The following NXPE2 variants were observed in gnomAD, a reference collection of about 807,000 sequenced individuals.
NXPE2 encodes neurexophilin and PC-esterase domain family member 2, also known as NXPE family member 2.
NXPE2 carries 34 observed loss-of-function variants against 34.4 expected under a neutral mutation model. The observed-to-expected ratio is 0.99, with a 90% confidence interval of 0.75 to 1.31. The LOEUF is 1.31. NXPE2 is among the 40% of genes most tolerant of loss of function. The probability of loss-of-function intolerance (pLI) is 0.00; values close to 1 mark genes in which losing one functional copy is unlikely to be tolerated. For synonymous variants in NXPE2, 235 were observed against 231.3 expected (o/e 1.02, Z -0.15); for missense variants, 649 against 672.5 (o/e 0.97, Z 0.39).
At chr11:114,601,757 A>G in the NXPE2 span, among the ~76,000 whole-genome samples, 1 of 72,552 alleles carries the variant, frequency 1.4e-5, no homozygotes, top group Non-Finnish European at 2.4e-5. Flanking sequence ...TATATAATAT[A>G]TATGTGATTA....
At chr11:114,489,542 G>T in the NXPE2 span, among the ~76,000 whole-genome samples, 4 of 152,138 alleles carry the variant, frequency 2.6e-5, no homozygotes, top group Admixed American at 6.5e-5. Context: ...GGGATGCAAG[G>T]CTGGTTCAAC....
Position 114,704,068 on chromosome 11 carries a change from T to G in NXPE2, c.928+16T>G. On this transcript the variant is annotated intron_variant, in intron 4 of 5. Coordinates refer to ENST00000389586, the MANE Select transcript of NXPE2 (RefSeq NM_182495.6). ...CCATGCAACAGTAAGTCTGGAGTGT[T>G]GTTGTCTGCCATGATCACAATTTAT... 6.5e-7 allele frequency: 1 copy of G among 1,535,618 alleles called. No homozygotes were observed. The highest frequency in any genetic ancestry group is 2.4e-5 in the East Asian group (1 of 40,956).
At chr11:114,713,149 T>C in the NXPE2 span, among the ~76,000 whole-genome samples, 2 of 152,134 alleles carry the variant, frequency 1.3e-5, no homozygotes, top group African/African-American at 2.4e-5. Flanking sequence ...TATTTAGTGG[T>C]ATAGAGTTTT....
At chr11:114,533,067 A>G in the NXPE2 span, among the ~76,000 whole-genome samples, 2 of 152,222 alleles carry the variant, frequency 1.3e-5, no homozygotes, top group Non-Finnish European at 2.9e-5. Context: ...GTTCAACATA[A>G]CGTTAGAAGT....
the NXPE2 span, among the ~76,000 whole-genome samples, chr11:114,793,246 A>G: frequency 2.6e-5 from 4 of 152,220 alleles, no homozygotes; most frequent in African/African-American, 9.6e-5. Flanking sequence ...ATTTTCCTTC[A>G]GTTGTGGTAC....
chr11:114,678,846 G>A (rs559098184), intron 1 of NXPE2, among the ~76,000 whole-genome samples: 25 of 151,390 alleles, frequency 1.7e-4, no homozygotes, highest in South Asian at 1.1e-3. Flanking sequence ...GTTTTGGGGC[G>A]TGTATGTGTG....
At chr11:114,651,989 C>T in the NXPE2 span, among the ~76,000 whole-genome samples, 1 of 152,164 alleles carries the variant, frequency 6.6e-6, no homozygotes. Flanking sequence ...TTGCTGCATC[C>T]CAGGTTGAAG....
At chr11:114,761,819 C>T in the NXPE2 span, among the ~76,000 whole-genome samples, 1 of 152,058 alleles carries the variant, frequency 6.6e-6, no homozygotes, top group South Asian at 2.1e-4. Context: ...CATGATCCAC[C>T]CGCCTCGGCC....
the NXPE2 span, among the ~76,000 whole-genome samples, chr11:114,469,529 G>A: frequency 2.0e-5 from 3 of 151,406 alleles, no homozygotes; most frequent in African/African-American, 7.3e-5. Flanking sequence ...TCGCACTCTC[G>A]CCTGGGCTAG....
the NXPE2 span, among the ~76,000 whole-genome samples, chr11:114,542,628 G>A: frequency 6.6e-6 from 1 of 152,102 alleles, no homozygotes; most frequent in African/African-American, 2.4e-5. Flanking sequence ...GTTATTAACT[G>A]AAGTAAAAGG....
the NXPE2 span, among the ~76,000 whole-genome samples, chr11:114,628,794 AAG>A: frequency 1.3e-5 from 2 of 152,012 alleles, no homozygotes; most frequent in Admixed American, 6.6e-5. Context: ...TAATGAAAAA[AAG>A]AGAGAAGAAT....
the NXPE2 span, among the ~76,000 whole-genome samples, chr11:114,548,151 T>C: frequency 6.6e-6 from 1 of 152,070 alleles, no homozygotes; most frequent in South Asian, 2.1e-4. Flanking sequence ...CAATGAATAT[T>C]TATGCACCGA....
downstream of NXPE2, among the ~76,000 whole-genome samples, chr11:114,709,838 G>T (rs1336069174): frequency 6.6e-6 from 1 of 151,750 alleles, no homozygotes; most frequent in East Asian, 1.9e-4. Flanking sequence ...GGAGGCGGAG[G>T]TTGCAGTGAG....
chr11:114,755,112 C>T, the NXPE2 span, among the ~76,000 whole-genome samples: 3 of 152,126 alleles, frequency 2.0e-5, no homozygotes, highest in South Asian at 6.2e-4. Flanking sequence ...CAATTGGTAA[C>T]TCTATCATAG....
At chr11:114,670,937 A>G in the NXPE2 span, among the ~76,000 whole-genome samples, 1 of 151,658 alleles carries the variant, frequency 6.6e-6, no homozygotes, top group Admixed American at 6.6e-5. Flanking sequence ...AAGATAGCCA[A>G]TATAAATATG....
At chr11:114,562,508 A>G in the NXPE2 span, among the ~76,000 whole-genome samples, 63 of 152,326 alleles carry the variant, frequency 4.1e-4, no homozygotes, top group South Asian at 0.011. Flanking sequence ...ATTATTTTAC[A>G]TATTTCTCAT....
the NXPE2 span, among the ~76,000 whole-genome samples, chr11:114,745,418 G>A: frequency 6.6e-6 from 1 of 152,170 alleles, no homozygotes; most frequent in Non-Finnish European, 1.5e-5. Flanking sequence ...GGAACTGAGA[G>A]TGAGAACTTA....
chr11:114,662,538 C>A, the NXPE2 span, among the ~76,000 whole-genome samples: 1 of 152,154 alleles, frequency 6.6e-6, no homozygotes, highest in Non-Finnish European at 1.5e-5. Flanking sequence ...GACTGGGGAG[C>A]ACACAACTTT....
At chr11:114,751,826 A>G in the NXPE2 span, among the ~76,000 whole-genome samples, 1 of 152,186 alleles carries the variant, frequency 6.6e-6, no homozygotes, top group Non-Finnish European at 1.5e-5. Context: ...CTATGTAATC[A>G]TGAGGGTCTT....
Sources: allele counts gnomAD v4.1 joint callset (sites outside exome capture counted in the v4.1 genomes callset), GRCh38; gene constraint gnomAD v4.1.1; transcripts MANE v1.5; gene names NCBI Gene and HGNC (gene_info 2026-07-23, HGNC 2026-07-21).